ADGRL3: variants seen among roughly 807,000 people sequenced by gnomAD.
ADGRL3 encodes the protein calcium-independent alpha-latrotoxin receptor 3.
In ADGRL3, 62 loss-of-function variants were observed where a neutral mutation model predicts 153.5. That is an observed-to-expected ratio of 0.40 (90% CI 0.33 to 0.50). The LOEUF is 0.50. ADGRL3 is among the 20% of genes least tolerant of loss of function. The pLI, the probability that ADGRL3 is intolerant of heterozygous loss-of-function variation, is 0.47. For missense variants in ADGRL3, 1,641 were observed against 1,859.4 expected, an observed-to-expected ratio of 0.88 and a Z score of 2.16; for synonymous variants, 710 against 672.5, an observed-to-expected ratio of 1.06 and a Z score of -0.86.
chr4:61,527,941 C>T (rs996366197), intron 4 of ADGRL3, among the ~76,000 whole-genome samples: 3 of 152,096 alleles, frequency 2.0e-5, no homozygotes, highest in Non-Finnish European at 2.9e-5. Flanking sequence ...TTCTTGGTTT[C>T]GTTCTCTCAC....
Position 61,497,131 on chromosome 4 carries a change from T to C in ADGRL3, c.-163T>C. The C allele has an allele frequency of 1.8e-6, 1 of 570,372 alleles. No homozygotes were observed. Among genetic ancestry groups the C allele is most frequent in the Non-Finnish European group, 3.0e-6 (1 of 329,914 alleles). 35.3% of individuals were successfully genotyped at this position (570,372 alleles called of 1,614,324 possible). A position where few individuals can be genotyped will look rare whatever the true frequency, so the allele number is the denominator to read the frequency against. ...TTTTCTTTTTTGCAGGTTTCAGATT[T>C]GGGATATTGGTGTTTCTGTTTTGGA... On this transcript the variant is annotated 5_prime_UTR_variant, in exon 3 of 27. Coordinates refer to ENST00000683033, the MANE Select transcript of ADGRL3 (RefSeq NM_001387552.1).
Position 61,983,487 on chromosome 4 carries a change from T to C in ADGRL3, c.3120T>C (p.Val1040=), listed in dbSNP as rs1406097976. 1 of 1,613,806 alleles carries C rather than the reference T, an allele frequency of 6.2e-7. No individual in the cohort carries two copies. Among genetic ancestry groups the C allele is most frequent in the Non-Finnish European group, 8.5e-7 (1 of 1,179,870 alleles). The change falls in exon 19 of 27, where the codon GTT becomes GTC. Residue 1040 remains valine, a synonymous_variant. Transcript: ENST00000683033. The part of the protein sequence containing the change: ...GVQLYIMLVE[V]FESEHSRRKY... ...AGCTTTATATCATGCTGGTGGAGGT[T>C]TTTGAGAGTGAACATTCACGTAGGA...
At chr4:61,368,382 T>C (rs1389013547) in intron 1 of ADGRL3, among the ~76,000 whole-genome samples, 1 of 152,218 alleles carries the variant, frequency 6.6e-6, no homozygotes, top group Non-Finnish European at 1.5e-5. Context: ...AAGTCTTTAA[T>C]CCATCTTGAA....
intron 17 of ADGRL3, among the ~76,000 whole-genome samples, chr4:61,972,108 G>T (rs2099030313): frequency 6.6e-6 from 1 of 151,832 alleles, no homozygotes; most frequent in Admixed American, 6.6e-5. Flanking sequence ...TTTGTAGGTT[G>T]CCTGTTCACT....
Position 61,960,901 on chromosome 4 carries a change from G to C in ADGRL3, c.2805+12625G>C, listed in dbSNP as rs997831553. On this transcript the variant is annotated intron_variant, in intron 17 of 26. Transcript: ENST00000683033. The stretch of plus-strand genomic sequence containing the variant: ...ATTTTTGTATTTTTAGTAGAGATGA[G>C]GTTTCACCATTTTGGCCAGGAGGGT... 3.3e-5 allele frequency among the ~76,000 whole-genome samples: 5 copies of C among 152,062 alleles called. No homozygotes were observed. In the East Asian group the frequency reaches 7.8e-4, roughly 24 times the overall value.
intron 8 of ADGRL3, among the ~76,000 whole-genome samples, chr4:61,796,176 G>A (rs2097408957): frequency 2.0e-5 from 3 of 152,072 alleles, no homozygotes; most frequent in South Asian, 2.1e-4. Context: ...CAACACAATG[G>A]ACTGCTTGTG....
chr4:61,875,475 A>G (rs189556364), intron 9 of ADGRL3, among the ~76,000 whole-genome samples: 15 of 152,320 alleles, frequency 9.8e-5, no homozygotes, highest in Admixed American at 2.6e-4. Flanking sequence ...TCTTTGCTGG[A>G]GAACATTGTT....
intron 25 of ADGRL3, among the ~76,000 whole-genome samples, chr4:62,063,257 G>A (rs1270390974): frequency 6.6e-5 from 10 of 151,998 alleles, no homozygotes; most frequent in African/African-American, 2.4e-4. Flanking sequence ...CCTTGGGAAA[G>A]ATAAAACCTT....
intron 5 of ADGRL3, among the ~76,000 whole-genome samples, chr4:61,634,912 A>G (rs941214226): frequency 3.3e-5 from 5 of 152,200 alleles, no homozygotes; most frequent in Non-Finnish European, 5.9e-5. Context: ...GAAATCTGCA[A>G]GAGCCCTATT....
At chr4:61,663,186 G>A (rs956562944) in intron 5 of ADGRL3, among the ~76,000 whole-genome samples, 1 of 152,198 alleles carries the variant, frequency 6.6e-6, no homozygotes, top group Non-Finnish European at 1.5e-5. Context: ...TCACTACATT[G>A]TGGGTGATGG....
At chr4:61,254,628 G>A (rs2091784357) in intron 1 of ADGRL3, among the ~76,000 whole-genome samples, 1 of 152,032 alleles carries the variant, frequency 6.6e-6, no homozygotes, top group Admixed American at 6.6e-5. Flanking sequence ...CTCACTGCAC[G>A]GTTGTACAAG....
chr4:61,490,795 T>C (rs956144733), intron 2 of ADGRL3, among the ~76,000 whole-genome samples: 6 of 151,988 alleles, frequency 3.9e-5, no homozygotes, highest in African/African-American at 7.2e-5. Context: ...CTATGAATAA[T>C]GGGAGGACCC....
Position 61,770,781 on chromosome 4 carries a change from CAT to C in ADGRL3, c.1399+37230_1399+37231del, listed in dbSNP as rs2097075287. 3.9e-5 allele frequency among the ~76,000 whole-genome samples: 6 copies of C among 152,324 alleles called. No homozygotes were observed. The South Asian group carries it at 1.2e-3, about 32-fold the overall frequency. On this transcript the variant is annotated intron_variant, in intron 8 of 26. Transcript: ENST00000683033. ...TTACATTATCTTGAATTTGCTACTTCATATCGGAGAACATATTTCCAACTAAA... is the reference window on the plus strand; with the variant it reads ...TTACATTATCTTGAATTTGCTACTTCATCGGAGAACATATTTCCAACTAAA...
At chr4:61,758,317 G>C (rs939183173) in intron 8 of ADGRL3, among the ~76,000 whole-genome samples, 1 of 152,124 alleles carries the variant, frequency 6.6e-6, no homozygotes, top group Non-Finnish European at 1.5e-5. Context: ...GGGAGTCTAC[G>C]TCTCTTTCTA....
intron 8 of ADGRL3, among the ~76,000 whole-genome samples, chr4:61,810,248 A>T (rs2148571108): frequency 6.6e-6 from 1 of 152,274 alleles, no homozygotes; most frequent in South Asian, 2.1e-4. Context: ...AGGTAAGAGG[A>T]TGAGGATTAT....
At chr4:61,392,132 G>A (rs901585800) in intron 2 of ADGRL3, among the ~76,000 whole-genome samples, 1 of 150,872 alleles carries the variant, frequency 6.6e-6, no homozygotes, top group Non-Finnish European at 1.5e-5. Context: ...GCCTCCCAAA[G>A]TGCTGGGATT....
At chr4:61,348,525 T>G (rs1410823541) in intron 1 of ADGRL3, among the ~76,000 whole-genome samples, 5 of 151,966 alleles carry the variant, frequency 3.3e-5, no homozygotes, top group Non-Finnish European at 7.4e-5. Flanking sequence ...ATGTATAATC[T>G]TAACATACAT....
intron 19 of ADGRL3, among the ~76,000 whole-genome samples, chr4:61,994,729 TAAC>T (rs534371385): frequency 1.1e-3 from 168 of 152,114 alleles, no homozygotes; most frequent in Non-Finnish European, 2.0e-3. Flanking sequence ...AGGCAACCAC[TAAC>T]ATGAGTTTGG....
At chr4:61,640,864 G>A (rs761163775) in intron 5 of ADGRL3, among the ~76,000 whole-genome samples, 2 of 152,024 alleles carry the variant, frequency 1.3e-5, no homozygotes, top group Non-Finnish European at 2.9e-5. Context: ...TGTCCTTTGT[G>A]AATTAACCAG....
Sources: gnomAD v4.1 joint callset for allele counts (sites outside exome capture counted in the v4.1 genomes callset) on GRCh38, gnomAD v4.1.1 for gene constraint, MANE v1.5 for transcripts, NCBI Gene and HGNC (gene_info 2026-07-23, HGNC 2026-07-21) for gene names.